The following SRGAP2 variants were observed in gnomAD, a reference collection of about 807,000 sequenced individuals.
The protein encoded by SRGAP2 is SLIT-ROBO Rho GTPase-activating protein 2.
Under a neutral mutation model 57.2 loss-of-function variants are expected in SRGAP2, and 15 were observed. That is an observed-to-expected ratio of 0.26 (90% CI 0.18 to 0.40). SRGAP2 has a LOEUF of 0.40. Among genes scored for constraint, SRGAP2 ranks in the 10% least tolerant of loss-of-function variants. SRGAP2 has a pLI of 1.00. For synonymous variants in SRGAP2, 249 were observed against 248.0 expected (o/e 1.00, Z -0.04); for missense variants, 520 against 669.6 (o/e 0.78, Z 2.47).
intron 2 of SRGAP2, among the ~76,000 whole-genome samples, chr1:206,248,038 CT>C (rs1422317650): frequency 1.3e-5 from 2 of 150,224 alleles, no homozygotes; most frequent in African/African-American, 4.9e-5. Context: ...GAATTGTTAC[CT>C]TTCTCAGAGC....
Position 206,450,042 on chromosome 1 carries a change from C to T in SRGAP2, c.2100-344C>T, listed in dbSNP as rs116181465. ...CAGTGTTTCCCTTCCACCCTGCTTC[C>T]CCTTTGAAAACCAGGAATGAATTCA... On this transcript the variant is annotated intron_variant, in intron 18 of 22. Coordinates refer to ENST00000573034, the MANE Select transcript of SRGAP2 (RefSeq NM_015326.5). Among the ~76,000 whole-genome samples the T allele has an allele frequency of 5.8e-3, 886 of 152,310 alleles. 9 individuals are homozygous for T. Among genetic ancestry groups the T allele is most frequent in the African/African-American group, 0.02 (832 of 41,542 alleles).
intron 3 of SRGAP2, among the ~76,000 whole-genome samples, chr1:206,341,500 A>G (rs1459754122): frequency 1.3e-5 from 2 of 151,780 alleles, no homozygotes; most frequent in African/African-American, 4.8e-5. Flanking sequence ...CTCATCAGGT[A>G]GTTGTGGGGT....
Position 206,228,823 on chromosome 1 carries a change from C to CT in SRGAP2, c.67+22789dup, listed in dbSNP as rs1402579969. Among the ~76,000 whole-genome samples, 239 of 136,060 alleles carry CT rather than the reference C, an allele frequency of 1.8e-3. 1 individual carries two copies. The highest frequency in any genetic ancestry group is 7.8e-3 in the African/African-American group (225 of 28,968). 89.3% of individuals were successfully genotyped at this position (136,060 alleles called of 152,430 possible). ...CCCTAGCAGGGTAATTCCATCAGCG[C>CT]TTTAAAAAAAAAAAAAAAAAGATTA... On this transcript the variant is annotated intron_variant, in intron 2 of 22. Transcript: ENST00000573034.
rs782172330 is a variant in SRGAP2 at position 206,450,430 on chromosome 1, A to C, written c.2144A>C (p.Gln715Pro). The change falls in exon 19 of 23, where the codon CAG (glutamine) becomes CCG (proline). Residue 715 changes from glutamine (Q) to proline (P), a missense_variant. Gln to Pro is a moderately conservative substitution (Grantham distance 76). Coordinates refer to ENST00000573034, the MANE Select transcript of SRGAP2 (RefSeq NM_015326.5). ...GETTSVEDST[Q>P]DVTAEHHTSD... is the part of the protein sequence containing the mutation. The stretch of plus-strand genomic sequence containing the variant: ...ACTACCTCGGTTGAAGACTCAACCC[A>C]GGATGTGACCGCAGAGCACCACACG... The C allele has an allele frequency of 2.6e-6, 2 of 780,924 alleles. No homozygotes were observed. Among genetic ancestry groups the C allele is most frequent in the Non-Finnish European group, 4.8e-6 (2 of 417,980 alleles). The allele number at this position is 780,924 out of a possible 1,614,324, so 48.4% of individuals were successfully genotyped here. A position where few individuals can be genotyped will look rare whatever the true frequency, so the allele number is the denominator to read the frequency against.
intron 11 of SRGAP2, among the ~76,000 whole-genome samples, chr1:206,417,015 T>C (rs577292123): frequency 5.1e-4 from 77 of 152,264 alleles, no homozygotes; most frequent in African/African-American, 1.8e-3. Context: ...CAGAACCTCC[T>C]ACCCACCTTT....
intron 2 of SRGAP2, among the ~76,000 whole-genome samples, chr1:206,281,805 A>AAAAC (rs1225834505): frequency 1.6e-5 from 2 of 127,470 alleles, no homozygotes; most frequent in East Asian, 2.2e-4. Context: ...TCTGTCTCAA[A>AAAAC]AAACAAACAA....
At chr1:206,401,902 G>A (rs1658217612) in intron 8 of SRGAP2, among the ~76,000 whole-genome samples, 1 of 152,114 alleles carries the variant, frequency 6.6e-6, no homozygotes, top group Admixed American at 6.5e-5. Context: ...TAAGGCTTGA[G>A]GAGGGTTCAA....
intron 3 of SRGAP2, among the ~76,000 whole-genome samples, chr1:206,326,772 C>T (rs1380217204): frequency 6.6e-6 from 1 of 152,206 alleles, no homozygotes; most frequent in Non-Finnish European, 1.5e-5. Flanking sequence ...TCTCTTTGCA[C>T]ATGATTCTTT....
intron 13 of SRGAP2, among the ~76,000 whole-genome samples, chr1:206,421,927 G>C (rs556667865): frequency 6.6e-6 from 1 of 152,158 alleles, no homozygotes; most frequent in East Asian, 1.9e-4. Context: ...CAGCACTTGT[G>C]CTTGTTTAAA....
chr1:206,450,777 C>T (rs1553375590), intron 19 of SRGAP2, among the ~76,000 whole-genome samples: 1 of 152,132 alleles, frequency 6.6e-6, no homozygotes. Flanking sequence ...GCCTAGACTC[C>T]TGCCAGACAG....
chr1:206,233,433 A>C (rs1667752377), intron 2 of SRGAP2, among the ~76,000 whole-genome samples: 1 of 152,028 alleles, frequency 6.6e-6, no homozygotes, highest in Non-Finnish European at 1.5e-5. Context: ...GGGAGTGAGC[A>C]GGAGGTGGTG....
chr1:206,332,814 A>G (rs1246475864), intron 3 of SRGAP2, among the ~76,000 whole-genome samples: 2 of 151,894 alleles, frequency 1.3e-5, no homozygotes, highest in African/African-American at 4.8e-5. Context: ...CAGCTCGTCA[A>G]AATCATTCTC....
At chr1:206,238,836 C>T (rs1315866156) in intron 2 of SRGAP2, among the ~76,000 whole-genome samples, 3 of 150,282 alleles carry the variant, frequency 2.0e-5, no homozygotes, top group Non-Finnish European at 4.4e-5. Context: ...CTTTTCTTCC[C>T]AGGCCACTCA....
chr1:206,432,575 A>T (rs1234415482), intron 14 of SRGAP2, among the ~76,000 whole-genome samples: 1 of 152,240 alleles, frequency 6.6e-6, no homozygotes. Flanking sequence ...CATTCATTCA[A>T]TGGAGTACTA....
At chr1:206,314,105 GTTT>G (rs797022788) in intron 3 of SRGAP2, among the ~76,000 whole-genome samples, 4 of 138,558 alleles carry the variant, frequency 2.9e-5, no homozygotes, top group South Asian at 4.5e-4. Flanking sequence ...TGTTTTTTTT[GTTT>G]TTTTTTTTTT....
intron 18 of SRGAP2, 42 bp from the exon 19 acceptor site, chr1:206,450,344 G>T: frequency 1.3e-6 from 1 of 777,700 alleles, no homozygotes; most frequent in South Asian, 1.4e-5. Flanking sequence ...AGAATTTTAT[G>T]AGCACATGTT....
rs187835171 is a variant in SRGAP2, at chr1:206,447,875, G to A, written c.2099+1576G>A. Among the ~76,000 whole-genome samples, 212 of 152,068 alleles carry A rather than the reference G, an allele frequency of 1.4e-3. 1 individual carries two copies. The highest frequency in any genetic ancestry group is 4.9e-3 in the African/African-American group (203 of 41,510). On this transcript the variant is annotated intron_variant, in intron 18 of 22. Transcript: ENST00000573034. ...AGGGGTGTGGCTCACGGGGACAGGT[G>A]CCTTCCTCCAGTTTCCTCCAAGATA...
chr1:206,364,492 G>T (rs140619383), intron 4 of SRGAP2, among the ~76,000 whole-genome samples: 1 of 151,886 alleles, frequency 6.6e-6, no homozygotes, highest in Non-Finnish European at 1.5e-5. Flanking sequence ...GTAGAGACAG[G>T]TTTTCACTAT....
intron 22 of SRGAP2, among the ~76,000 whole-genome samples, chr1:206,459,358 C>T (rs1416967188): frequency 6.7e-6 from 1 of 150,192 alleles, no homozygotes; most frequent in Non-Finnish European, 1.5e-5. Flanking sequence ...TCACCATCAT[C>T]CCGATTCCTA....
Sources: gnomAD v4.1 joint callset for allele counts (sites outside exome capture counted in the v4.1 genomes callset) on GRCh38, gnomAD v4.1.1 for gene constraint, MANE v1.5 for transcripts, NCBI Gene and HGNC (gene_info 2026-07-23, HGNC 2026-07-21) for gene names.